The following LINGO2 variants were observed in gnomAD, a reference collection of about 807,000 sequenced individuals.
The protein encoded by LINGO2 is leucine rich repeat and Ig domain containing 2, also known as leucine-rich repeat and immunoglobulin-like domain-containing nogo receptor-interacting protein 2.
In LINGO2, 14 loss-of-function variants were observed where a neutral mutation model predicts 30.6. That is an observed-to-expected ratio of 0.46 (90% confidence interval 0.30 to 0.72). The LOEUF (loss-of-function observed/expected upper bound fraction) is 0.72. LINGO2 is among the 30% of genes least tolerant of loss of function. The pLI, the probability that LINGO2 is intolerant of heterozygous loss-of-function variation, is 0.07. For synonymous variants in LINGO2, 317 were observed against 288.5 expected (o/e 1.10, Z -1.00); for missense variants, 729 against 751.7 (o/e 0.97, Z 0.35).
the LINGO2 span, among the ~76,000 whole-genome samples, chr9:28,906,366 C>A: frequency 2.0e-5 from 3 of 151,420 alleles, no homozygotes; most frequent in East Asian, 5.8e-4. Context: ...TTTATCCTTT[C>A]CAAATGTATA....
At position 28,129,011 on chromosome 9, in the gene LINGO2, C is replaced by T. The variant is rs540223552; in HGVS notation, c.-86-116606G>A. ...AGTCTTCTGGCCTTCATCTTTCTCC[C>T]ATGCTCTATGCTTCCTGGCCTGAAA... On this transcript the variant is annotated intron_variant, in intron 4 of 5. Coordinates refer to ENST00000379992, the Ensembl canonical transcript of LINGO2. The surrounding 1 kb of genome is among the most constrained non-coding windows in gnomAD (Gnocchi z 4.0). Among the ~76,000 whole-genome samples, 1 of 152,136 alleles carries T rather than the reference C, an allele frequency of 6.6e-6. No individual in the cohort carries two copies. The highest frequency in any genetic ancestry group is 1.5e-5 in the Non-Finnish European group (1 of 68,034).
intron 4 of LINGO2, among the ~76,000 whole-genome samples, chr9:28,235,290 A>G (rs1312845792): frequency 1.3e-5 from 2 of 152,216 alleles, no homozygotes; most frequent in Non-Finnish European, 2.9e-5. Context: ...GGTACCTTTG[A>G]GAGTCTGTAA....
the LINGO2 span, among the ~76,000 whole-genome samples, chr9:29,127,640 T>C: frequency 2.6e-5 from 4 of 152,078 alleles, no homozygotes; most frequent in Non-Finnish European, 5.9e-5. Context: ...TTTTAATCTT[T>C]CAGCAGCTGT....
At chr9:28,548,001 A>G (rs1482475145) in intron 1 of LINGO2, among the ~76,000 whole-genome samples, 1 of 152,132 alleles carries the variant, frequency 6.6e-6, no homozygotes, top group Non-Finnish European at 1.5e-5. Flanking sequence ...AAGAAAATTT[A>G]TTAGAAGAAG....
At chr9:28,185,278 A>G (rs578247871) in intron 4 of LINGO2, among the ~76,000 whole-genome samples, 2 of 152,152 alleles carry the variant, frequency 1.3e-5, no homozygotes, top group Non-Finnish European at 2.9e-5. Context: ...AATTTTTTCA[A>G]TTTTACATAA....
intron 2 of LINGO2, among the ~76,000 whole-genome samples, chr9:28,397,242 T>C (rs1313024941): frequency 6.6e-6 from 1 of 151,948 alleles, no homozygotes; most frequent in East Asian, 1.9e-4. Flanking sequence ...TCCATATCCT[T>C]CAATATCTTC....
Position 28,057,592 on chromosome 9 carries a change from CATATAT to C in LINGO2, c.-86-45193_-86-45188del, listed in dbSNP as rs1158416501. On this transcript the variant is annotated intron_variant, in intron 4 of 5. Transcript: ENST00000379992. The stretch of plus-strand genomic sequence containing the variant: ...ATATATATACACATATATGTATATA[CATATAT>C]ATACACATATATGTATATACATATA... Among the ~76,000 whole-genome samples, 34 of 145,598 alleles carry C rather than the reference CATATAT, an allele frequency of 2.3e-4. 1 individual carries two copies. The highest frequency in any genetic ancestry group is 8.3e-4 in the African/African-American group (33 of 39,750).
At chr9:28,573,720 T>C (rs1823818528) in intron 1 of LINGO2, among the ~76,000 whole-genome samples, 2 of 152,326 alleles carry the variant, frequency 1.3e-5, no homozygotes, top group Non-Finnish European at 2.9e-5. Flanking sequence ...ATTTTATTAT[T>C]TGTTGTTCTC....
chr9:28,310,311 G>C (rs1824561832), intron 3 of LINGO2, among the ~76,000 whole-genome samples: 5 of 152,042 alleles, frequency 3.3e-5, no homozygotes, highest in Admixed American at 3.3e-4. Flanking sequence ...ATGTGAGTGG[G>C]TAAACAAATA....
chr9:28,901,522 A>G, the LINGO2 span, among the ~76,000 whole-genome samples: 11 of 152,202 alleles, frequency 7.2e-5, no homozygotes, highest in African/African-American at 2.4e-4. Flanking sequence ...TAAGGGATAC[A>G]AATTAAAAAA....
At chr9:28,510,933 G>A (rs1410220130) in intron 1 of LINGO2, among the ~76,000 whole-genome samples, 3 of 152,022 alleles carry the variant, frequency 2.0e-5, no homozygotes, top group Non-Finnish European at 2.9e-5. Flanking sequence ...AGGAAGCATC[G>A]AGTGCGGGAG....
Position 28,466,276 on chromosome 9 carries a change from T to C in LINGO2, c.-279+9664A>G, listed in dbSNP as rs140250822. On this transcript the variant is annotated intron_variant, in intron 2 of 5. Transcript: ENST00000379992. The stretch of plus-strand genomic sequence containing the variant: ...GGTACATATACACAGTGAAGTACTA[T>C]TCAGCCATAAAAAAGATGGCTGATC... Among the ~76,000 whole-genome samples the C allele has an allele frequency of 9.5e-3, 1,443 of 152,326 alleles. 23 individuals carry two copies. Among genetic ancestry groups the C allele is most frequent in the African/African-American group, 0.033 (1,360 of 41,586 alleles).
At chr9:28,646,385 G>C (rs1044924772) in intron 1 of LINGO2, among the ~76,000 whole-genome samples, 1 of 152,066 alleles carries the variant, frequency 6.6e-6, no homozygotes, top group Non-Finnish European at 1.5e-5. Flanking sequence ...CCTTTCATAG[G>C]AGCAAGCACG....
chr9:29,193,247 A>G, the LINGO2 span, among the ~76,000 whole-genome samples: 1 of 152,186 alleles, frequency 6.6e-6, no homozygotes, highest in African/African-American at 2.4e-5. Flanking sequence ...GAAACTGCCT[A>G]TGAAATAGTT....
chr9:28,773,985 T>C, the LINGO2 span, among the ~76,000 whole-genome samples: 13 of 152,088 alleles, frequency 8.5e-5, 1 homozygote, highest in South Asian at 1.5e-3. Flanking sequence ...GTTAAACTTT[T>C]TTGATATGTT....
At chr9:29,055,040 G>A in the LINGO2 span, among the ~76,000 whole-genome samples, 1 of 152,048 alleles carries the variant, frequency 6.6e-6, no homozygotes, top group Non-Finnish European at 1.5e-5. Context: ...CCAATTTGGT[G>A]AAGCCCCATC....
chr9:29,185,327 C>G, the LINGO2 span, among the ~76,000 whole-genome samples: 3 of 151,940 alleles, frequency 2.0e-5, no homozygotes, highest in Non-Finnish European at 4.4e-5. Context: ...TAATTCCACC[C>G]CTTGATAGGA....
intron 1 of LINGO2, among the ~76,000 whole-genome samples, chr9:28,503,854 C>CG (rs1034159606): frequency 2.7e-5 from 4 of 150,096 alleles, no homozygotes; most frequent in East Asian, 1.9e-4. Flanking sequence ...AAAAAAGATA[C>CG]GGGGGGAAAA....
Position 28,333,967 on chromosome 9 carries a change from G to T in LINGO2, c.-245-38601C>A, listed in dbSNP as rs546929258. Among the ~76,000 whole-genome samples the T allele has an allele frequency of 1.1e-4, 17 of 152,216 alleles. No homozygotes were observed. The South Asian group carries it at 3.5e-3, about 32-fold the overall frequency. On this transcript the variant is annotated intron_variant, in intron 3 of 5. Coordinates refer to ENST00000379992, the Ensembl canonical transcript of LINGO2. ...AAAGAAAGGGAACCATGATACTGGG[G>T]CACAGTAACATTAGCAAAATTATCA... is the stretch of plus-strand genomic sequence containing the variant.
Sources: gnomAD v4.1 joint callset for allele counts (sites outside exome capture counted in the v4.1 genomes callset) on GRCh38, gnomAD v4.1.1 for gene constraint, Gnocchi (gnomAD v3.1) non-coding constraint, MANE v1.5 for transcripts, NCBI Gene and HGNC (gene_info 2026-07-23, HGNC 2026-07-21) for gene names.